LRP1B: variants seen among roughly 807,000 people sequenced by gnomAD.
LRP1B encodes the protein low-density lipoprotein receptor-related protein 1B.
A neutral mutation model predicts 556.6 loss-of-function variants in LRP1B; 217 were observed. The ratio of observed to expected loss-of-function variants is 0.39; its 90% confidence interval spans 0.35 to 0.44. LRP1B has a LOEUF of 0.44. Among genes scored for constraint, LRP1B ranks in the 20% least tolerant of loss-of-function variants. LRP1B has a pLI of 1.00. For missense variants in LRP1B, 5,053 were observed against 5,620.8 expected (o/e 0.90, Z 3.23); for synonymous variants, 2,047 against 1,865.8 (o/e 1.10, Z -2.50).
intron 52 of LRP1B, among the ~76,000 whole-genome samples, chr2:140,509,620 A>G (rs1244794726): frequency 6.6e-6 from 1 of 152,156 alleles, no homozygotes; most frequent in Non-Finnish European, 1.5e-5. Flanking sequence ...GAAAGTACCA[A>G]ACCTACTGCA....
chr2:141,099,590 C>T (rs144138012), intron 7 of LRP1B, among the ~76,000 whole-genome samples: 5 of 152,340 alleles, frequency 3.3e-5, no homozygotes, highest in African/African-American at 4.8e-5. Flanking sequence ...CACTTGCACA[C>T]ATGTCTGCAC....
chr2:140,370,827 C>G lies in LRP1B; in HGVS notation c.10891G>C (p.Glu3631Gln), dbSNP rs1216971769. 6.2e-7 allele frequency: 1 copy of G among 1,612,428 alleles called. No homozygotes were observed. The highest frequency in any genetic ancestry group is 1.7e-5 in the Admixed American group (1 of 59,872). The change falls in exon 71 of 91, where the codon GAA becomes CAA. Residue 3631 changes from glutamate (E) to glutamine (Q), a missense_variant. Physicochemically the swap from Glu to Gln is conservative, Grantham distance 29. Transcript: ENST00000389484. ...CACCGAAACTGATCTTCCTTACATT[C>G]AGTCACACAGTCCATCTGTTCAAAT... ...DGSDEMDCVTECKEDQFRCKN... is the reference protein window; with the variant it reads ...DGSDEMDCVTQCKEDQFRCKN...
chr2:141,586,899 G>A lies in LRP1B; in HGVS notation c.206-106366C>T, dbSNP rs534842239. Among the ~76,000 whole-genome samples, 6 of 147,386 alleles carry A rather than the reference G, an allele frequency of 4.1e-5. No homozygotes were observed. In the South Asian group the frequency reaches 1.3e-3, roughly 32 times the overall value. On this transcript the variant is annotated intron_variant, in intron 2 of 90. Coordinates refer to ENST00000389484, the MANE Select transcript of LRP1B (RefSeq NM_018557.3). ...GGAGCTTGCAGTGAGCCGAGATCGT[G>A]CCACTGCACTCCAGCCTGGGCGACA...
chr2:140,533,867 CTT>C (rs1264988820), intron 47 of LRP1B, among the ~76,000 whole-genome samples, 152 bp downstream of exon 47: 2 of 152,120 alleles, frequency 1.3e-5, no homozygotes, highest in African/African-American at 4.8e-5. Flanking sequence ...TTTCAAGTAA[CTT>C]TAGCAACTCC....
intron 7 of LRP1B, among the ~76,000 whole-genome samples, chr2:141,181,849 G>A (rs985599419): frequency 2.0e-5 from 3 of 149,202 alleles, no homozygotes; most frequent in Non-Finnish European, 4.4e-5. Context: ...GAAAGAAGTT[G>A]AACCTTAACA....
At chr2:141,734,919 T>A (rs747388558) in intron 2 of LRP1B, among the ~76,000 whole-genome samples, 58 of 152,180 alleles carry the variant, frequency 3.8e-4, no homozygotes, top group Non-Finnish European at 5.6e-4. Flanking sequence ...AACTGAAGTC[T>A]GTAGAGACAT....
At position 141,636,808 on chromosome 2, in the gene LRP1B, G is replaced by C. The variant is rs184396764; in HGVS notation, c.206-156275C>G. ...TGTATTATCATATAATCACCTATCA[G>C]ACATATGGCTAAATGAATAAAGTAC... On this transcript the variant is annotated intron_variant, in intron 2 of 90. Transcript: ENST00000389484. 4.0e-5 allele frequency among the ~76,000 whole-genome samples: 6 copies of C among 151,836 alleles called. No homozygotes were observed. The East Asian group carries it at 1.2e-3, about 29-fold the overall frequency.
At chr2:142,048,535 A>T (rs1345660897) in intron 1 of LRP1B, among the ~76,000 whole-genome samples, 3 of 152,228 alleles carry the variant, frequency 2.0e-5, no homozygotes, top group African/African-American at 7.2e-5. Flanking sequence ...GTATTTAGCA[A>T]ATAGGCTTTT....
At chr2:140,634,976 A>G (rs2105285091) in intron 41 of LRP1B, among the ~76,000 whole-genome samples, 1 of 152,228 alleles carries the variant, frequency 6.6e-6, no homozygotes, top group South Asian at 2.1e-4. Context: ...ATGTAACAAT[A>G]TCAGTCCATC....
At chr2:141,044,829 A>C (rs1239030520) in intron 11 of LRP1B, among the ~76,000 whole-genome samples, 4 of 150,764 alleles carry the variant, frequency 2.7e-5, no homozygotes, top group African/African-American at 9.7e-5. Context: ...GTGGGACTGT[A>C]AACTAGTTCA....
intron 41 of LRP1B, among the ~76,000 whole-genome samples, chr2:140,642,939 C>A (rs755666662): frequency 2.0e-5 from 3 of 152,156 alleles, no homozygotes; most frequent in Non-Finnish European, 4.4e-5. Flanking sequence ...TGTTCATATG[C>A]ACATATATAC....
intron 83 of LRP1B, among the ~76,000 whole-genome samples, chr2:140,311,814 C>A (rs1303860169): frequency 6.6e-6 from 1 of 151,830 alleles, no homozygotes; most frequent in Admixed American, 6.6e-5. Flanking sequence ...CAAAGAAAAG[C>A]AAAGATGGGC....
intron 29 of LRP1B, 80 bp downstream of exon 29, chr2:140,850,022 G>A: frequency 1.1e-6 from 1 of 909,896 alleles, no homozygotes; most frequent in African/African-American, 1.7e-5. Flanking sequence ...GAATAAAAGA[G>A]AAAGAATATA....
intron 2 of LRP1B, among the ~76,000 whole-genome samples, chr2:141,539,460 C>T (rs1267125426): frequency 2.0e-5 from 3 of 151,974 alleles, no homozygotes; most frequent in African/African-American, 7.3e-5. Context: ...TTTGTAATTC[C>T]GTAGGTATTT....
At chr2:140,928,141 T>C (rs1694941132) in intron 20 of LRP1B, among the ~76,000 whole-genome samples, 1 of 152,110 alleles carries the variant, frequency 6.6e-6, no homozygotes, top group South Asian at 2.1e-4. Flanking sequence ...TGGAACCATG[T>C]GTTCAGAGAC....
chr2:141,056,708 A>G (rs1699187737), intron 9 of LRP1B, among the ~76,000 whole-genome samples: 1 of 151,830 alleles, frequency 6.6e-6, no homozygotes, highest in Non-Finnish European at 1.5e-5. Context: ...ATTTGTGATT[A>G]CTGCCTTGGT....
chr2:140,485,282 A>C, intron 59 of LRP1B, 61 bp downstream of exon 59: 1 of 1,344,468 alleles, frequency 7.4e-7, no homozygotes, highest in Non-Finnish European at 1.0e-6. Context: ...ATAGTACTAG[A>C]TTTACTACTA....
intron 1 of LRP1B, among the ~76,000 whole-genome samples, chr2:141,913,276 A>G (rs1442719592): frequency 6.6e-6 from 1 of 152,234 alleles, no homozygotes. Context: ...ACTAACAGAA[A>G]TTGATTGGAC....
chr2:141,657,262 CACA>C (rs1690046948), intron 2 of LRP1B, among the ~76,000 whole-genome samples: 1 of 152,048 alleles, frequency 6.6e-6, no homozygotes, highest in South Asian at 2.1e-4. Flanking sequence ...TATAGTTACA[CACA>C]ACAAGATAAT....
Sources: gnomAD v4.1 joint callset for allele counts (sites outside exome capture counted in the v4.1 genomes callset) on GRCh38, gnomAD v4.1.1 for gene constraint, MANE v1.5 for transcripts, NCBI Gene and HGNC (gene_info 2026-07-23, HGNC 2026-07-21) for gene names.